Variants in WNK2 observed in about 807,000 individuals in gnomAD.
WNK2 encodes WNK lysine deficient protein kinase 2.
Under a neutral mutation model 192.1 loss-of-function variants are expected in WNK2, and 67 were observed. That is an observed-to-expected ratio of 0.35 (90% CI 0.29 to 0.43). The LOEUF is 0.43. Among genes scored for constraint, WNK2 ranks in the 20% least tolerant of loss-of-function variants. WNK2 has a pLI of 1.00. For missense variants in WNK2, 2,698 were observed against 3,089.7 expected (o/e 0.87, Z 3.01); for synonymous variants, 1,439 against 1,393.9 (o/e 1.03, Z -0.72).
At chr9:93,212,606 G>T (rs114253623) in intron 2 of WNK2, among the ~76,000 whole-genome samples, 2,539 of 152,306 alleles carry the variant, frequency 0.017, 61 homozygotes, top group African/African-American at 0.058. Context: ...GGTCCGGCCG[G>T]CCCCTTGCTA....
intron 19 of WNK2, among the ~76,000 whole-genome samples, chr9:93,288,436 G>C (rs1848763221): frequency 6.6e-6 from 1 of 152,262 alleles, no homozygotes; most frequent in Admixed American, 6.5e-5. Flanking sequence ...CTGTGCGGGT[G>C]AGGGTGTGGA....
chr9:93,312,747 C>G (rs1853897193), intron 28 of WNK2, among the ~76,000 whole-genome samples: 1 of 152,102 alleles, frequency 6.6e-6, no homozygotes, highest in African/African-American at 2.4e-5. Flanking sequence ...AACTGCTTTC[C>G]CCTTTGAATG....
intron 16 of WNK2, among the ~76,000 whole-genome samples, chr9:93,264,283 T>A (rs1588290222): frequency 6.6e-6 from 1 of 152,204 alleles, no homozygotes; most frequent in Non-Finnish European, 1.5e-5. Context: ...TGAGGGCTTC[T>A]GGAGCATCTG....
At chr9:93,227,412 C>T (rs550595403) in intron 2 of WNK2, among the ~76,000 whole-genome samples, 150 of 149,530 alleles carry the variant, frequency 1.0e-3, no homozygotes, top group African/African-American at 3.3e-3. Flanking sequence ...CGCACCCGGC[C>T]GTATCCATCT....
At position 93,252,900 on chromosome 9, in the gene WNK2, A is replaced by G; in HGVS notation, c.1852A>G (p.Ser618Gly). The G allele has an allele frequency of 1.3e-6, 2 of 1,506,300 alleles. No homozygotes were observed. Among genetic ancestry groups the G allele is most frequent in the Non-Finnish European group, 1.8e-6 (2 of 1,123,496 alleles). 93.3% of individuals were successfully genotyped at this position (1,506,300 alleles called of 1,614,324 possible). ...TSLASDSTFD[S>G]GQGSTVYSDS... ...CTCCCCAGCGGACAGCACCTTCGAC[A>G]GCGGCCAGGGCTCTACCGTGTACTC... The change falls in exon 9 of 30, where the codon AGC becomes GGC. Residue 618 changes from serine (S) to glycine (G), a missense_variant. Ser to Gly is a moderately conservative substitution (Grantham distance 56). This residue lies in a region of WNK2 where 893 missense variants were observed against 909.0 expected (regional missense o/e 0.98). Coordinates refer to ENST00000427277, the MANE Select transcript of WNK2 (RefSeq NM_006648.4).
In WNK2 at chr9:93,246,447, G is replaced by C. The variant is rs113551396; in HGVS notation, c.1543-1096G>C. On this transcript the variant is annotated intron_variant, in intron 7 of 29. Transcript: ENST00000427277. ...GTGCATTTACACCGCGAAGGTGTCG[G>C]GAGCCTGCCTGTGCAGTCTGTCTGT... 9.2e-3 allele frequency among the ~76,000 whole-genome samples: 1,403 copies of C among 152,316 alleles called. 22 individuals are homozygous for C. Among genetic ancestry groups the C allele is most frequent in the African/African-American group, 0.032 (1,313 of 41,560 alleles).
chr9:93,194,690 A>G (rs747210194), intron 2 of WNK2, among the ~76,000 whole-genome samples: 28 of 152,268 alleles, frequency 1.8e-4, no homozygotes, highest in Non-Finnish European at 3.8e-4. Context: ...GCAATCCAGC[A>G]ACTGCGTTCC....
At chr9:93,310,081 T>C (rs1437363156) in intron 28 of WNK2, among the ~76,000 whole-genome samples, 1 of 152,214 alleles carries the variant, frequency 6.6e-6, no homozygotes, top group Non-Finnish European at 1.5e-5. Flanking sequence ...TCAGTCTTTG[T>C]TGCTGTTCCA....
At position 93,292,617 on chromosome 9, in the gene WNK2, C is replaced by A; in HGVS notation, c.5152C>A (p.Pro1718Thr). ...CACAGTGGGGGGCCAGGCTAGCCAC[C>A]CCCAGACACTCGGCGCTCGAGCTTT... is the stretch of plus-strand genomic sequence containing the variant. Reference protein sequence around the residue: ...MGTVGGQASHPQTLGARALGS... With the variant: ...MGTVGGQASHTQTLGARALGS... Residue 1718 changes from proline to threonine, a missense_variant, in exon 23 of 30, where the codon CCC becomes ACC. Around this residue, in one of 7 missense-constraint regions of WNK2, gnomAD observed 1,098 missense variants for 1,101.0 expected, o/e 1.00. Transcript: ENST00000427277. The A allele has an allele frequency of 6.3e-7, 1 of 1,584,728 alleles. No individual in the cohort carries two copies. The highest frequency in any genetic ancestry group is 1.8e-5 in the Admixed American group (1 of 55,832).
chr9:93,279,845 T>G (rs897614633), intron 19 of WNK2, among the ~76,000 whole-genome samples: 3 of 152,152 alleles, frequency 2.0e-5, no homozygotes, highest in Non-Finnish European at 2.9e-5. Flanking sequence ...TGATCATCCT[T>G]ATACACACAC....
intron 2 of WNK2, among the ~76,000 whole-genome samples, chr9:93,211,249 C>T (rs10992678): frequency 5.2e-3 from 4 of 770 alleles, no homozygotes; most frequent in Non-Finnish European, 8.6e-3. Flanking sequence ...CATTCACTCA[C>T]TCACTCATTC....
At chr9:93,241,604 C>T (rs893984409) in intron 7 of WNK2, among the ~76,000 whole-genome samples, 3 of 152,004 alleles carry the variant, frequency 2.0e-5, no homozygotes, top group African/African-American at 7.3e-5. Context: ...GGGGCGGCTG[C>T]TCTGGAAGGT....
rs1184998617 is a variant in WNK2, at chr9:93,312,686, C to G, written c.6516+4102C>G. ...TTTGTGAGGCAAGGCAGGGCTCCACCTTCTTTTTCTGGTATGTGCATATCC... is the reference window on the plus strand; with the variant it reads ...TTTGTGAGGCAAGGCAGGGCTCCACGTTCTTTTTCTGGTATGTGCATATCC... On this transcript the variant is annotated intron_variant, in intron 28 of 29. Coordinates refer to ENST00000427277, the MANE Select transcript of WNK2 (RefSeq NM_006648.4). Among the ~76,000 whole-genome samples, 3 of 152,204 alleles carry G rather than the reference C, an allele frequency of 2.0e-5. No homozygotes were observed. In the East Asian group the frequency reaches 5.8e-4, roughly 29 times the overall value.
At chr9:93,253,429 G>T (rs1842864140) in intron 9 of WNK2, among the ~76,000 whole-genome samples, 1 of 151,922 alleles carries the variant, frequency 6.6e-6, no homozygotes, top group South Asian at 2.1e-4. Context: ...CCCCTGGGGA[G>T]CGGGCACAGT....
At chr9:93,208,535 G>A (rs1201420610) in intron 2 of WNK2, among the ~76,000 whole-genome samples, 1 of 151,546 alleles carries the variant, frequency 6.6e-6, no homozygotes, top group African/African-American at 2.4e-5. Flanking sequence ...TATTCTGTGT[G>A]TGTGCATGTG....
rs755613061 is a variant in WNK2 at position 93,259,318 on chromosome 9, G to A, written c.2770G>A (p.Val924Ile). Residue 924 changes from valine (V) to isoleucine (I), a missense_variant, in exon 12 of 30, where the codon GTC becomes ATC. By Grantham distance (29) the Val-to-Ile change is conservative. Around this residue, in one of 7 missense-constraint regions of WNK2, gnomAD observed 893 missense variants for 909.0 expected, o/e 0.98. Coordinates refer to ENST00000427277, the MANE Select transcript of WNK2 (RefSeq NM_006648.4). The surrounding 1 kb of genome is among the most constrained non-coding windows in gnomAD (Gnocchi z 4.8). The part of the protein sequence containing the change: ...AAFPQMAPTD[V>I]PPSPHHTVQN... ...CTTCCCACAGATGGCGCCTACTGACGTCCCTCCTTCCCCCCATCACACGGT... is the reference window on the plus strand; with the variant it reads ...CTTCCCACAGATGGCGCCTACTGACATCCCTCCTTCCCCCCATCACACGGT... 6.2e-6 allele frequency: 10 copies of A among 1,613,278 alleles called. No homozygotes were observed. Among genetic ancestry groups the A allele is most frequent in the Middle Eastern group, 1.6e-4 (1 of 6,080 alleles).
chr9:93,305,202 C>A (rs1452609432), intron 26 of WNK2, among the ~76,000 whole-genome samples: 1 of 152,240 alleles, frequency 6.6e-6, no homozygotes, highest in African/African-American at 2.4e-5. Context: ...AAGCACCTGG[C>A]TTAGGACTGT....
chr9:93,317,735 G>T, intron 29 of WNK2, 104 bp downstream of exon 29: 3 of 1,495,152 alleles, frequency 2.0e-6, no homozygotes, highest in Non-Finnish European at 2.7e-6. Context: ...GGGCAGGCCA[G>T]GTGGGCCAGC....
In WNK2 at chr9:93,185,223, C is replaced by G; in HGVS notation, c.294C>G (p.Pro98=). 8.4e-7 allele frequency: 1 copy of G among 1,183,810 alleles called. No homozygotes were observed. 73.3% of individuals were successfully genotyped at this position (1,183,810 alleles called of 1,614,324 possible). The change falls in exon 2 of 30, where the codon CCC becomes CCG. Residue 98 remains proline (P), a synonymous_variant. Coordinates refer to ENST00000427277, the MANE Select transcript of WNK2 (RefSeq NM_006648.4). ...GCGGACGCCCCGCCGCCCCCGCGCC[C>G]GCAGCGCTGGTAGCGCAGCCGGGAG... ...RARGRPAAPA[P]AALVAQPGAP... is the part of the protein sequence containing the mutation.
Sources: gnomAD v4.1 joint callset for allele counts (sites outside exome capture counted in the v4.1 genomes callset) on GRCh38, gnomAD v4.1.1 for gene constraint, gnomAD v4.1.1 regional missense constraint, Gnocchi (gnomAD v3.1) non-coding constraint, MANE v1.5 for transcripts, NCBI Gene and HGNC (gene_info 2026-07-23, HGNC 2026-07-21) for gene names.